Variants in SLC68A1 observed in about 807,000 individuals in gnomAD.
The protein encoded by SLC68A1 is major facilitator superfamily domain containing 13A.
the SLC68A1 span, chr10:102,476,923 C>T: frequency 1.0e-6 from 1 of 985,690 alleles, no homozygotes; most frequent in Non-Finnish European, 1.2e-6. Context: ...AGAGGTTTCT[C>T]TGCTTCAGCT....
chr10:102,465,252 C>T, the SLC68A1 span, among the ~76,000 whole-genome samples: 653 of 151,512 alleles, frequency 4.3e-3, 5 homozygotes, highest in African/African-American at 0.015. Context: ...GAGCAAGACT[C>T]CATCTCTACA....
At chr10:102,473,981 G>T in the SLC68A1 span, 1 of 1,609,580 alleles carries the variant, frequency 6.2e-7, no homozygotes, top group South Asian at 1.1e-5. Flanking sequence ...TTGCCCCGCT[G>T]CTGGGCACCT....
the SLC68A1 span, chr10:102,476,854 G>A: frequency 6.1e-6 from 6 of 985,560 alleles, no homozygotes; most frequent in Non-Finnish European, 6.0e-6. Context: ...TGCCCAGTCA[G>A]GGAAAGCTGA....
chr10:102,476,434 A>C, the SLC68A1 span: 1 of 845,560 alleles, frequency 1.2e-6, no homozygotes, highest in Non-Finnish European at 1.4e-6. Flanking sequence ...CGAACTCCTG[A>C]CCTCAAGTGA....
chr10:102,471,908 A>G, the SLC68A1 span: 1 of 369,434 alleles, frequency 2.7e-6, no homozygotes, highest in Non-Finnish European at 5.4e-6. Flanking sequence ...GATCTTAGGC[A>G]GGTCTCAGGC....
the SLC68A1 span, chr10:102,475,834 C>T: frequency 2.5e-6 from 4 of 1,614,104 alleles, no homozygotes; most frequent in Non-Finnish European, 3.4e-6. Context: ...AGGGCTGCTT[C>T]TACCTGCTGG....
At chr10:102,471,040 G>A in the SLC68A1 span, 1 of 1,613,698 alleles carries the variant, frequency 6.2e-7, no homozygotes, top group Non-Finnish European at 8.5e-7. Context: ...GCTTTCTGGG[G>A]GCCACACAGC....
At chr10:102,468,770 G>C in the SLC68A1 span, 2 of 369,034 alleles carry the variant, frequency 5.4e-6, no homozygotes, top group African/African-American at 4.2e-5. Context: ...GTTTCCTCGA[G>C]TCACTCCCAG....
At chr10:102,469,462 A>G in the SLC68A1 span, among the ~76,000 whole-genome samples, 1 of 152,016 alleles carries the variant, frequency 6.6e-6, no homozygotes, top group Non-Finnish European at 1.5e-5. Flanking sequence ...ACGTATATGA[A>G]TTTATCAGCT....
At chr10:102,470,102 T>C in the SLC68A1 span, 14 of 1,605,952 alleles carry the variant, frequency 8.7e-6, no homozygotes, top group African/African-American at 1.3e-5. Context: ...CAGCTCGTAA[T>C]TGGTTCAGTC....
At chr10:102,467,378 G>A in the SLC68A1 span, among the ~76,000 whole-genome samples, 1 of 152,182 alleles carries the variant, frequency 6.6e-6, no homozygotes, top group Admixed American at 6.5e-5. Context: ...AAGCAGTGTC[G>A]AGGGAATGTA....
At chr10:102,470,720 G>A in the SLC68A1 span, 34 of 1,613,216 alleles carry the variant, frequency 2.1e-5, no homozygotes, top group Middle Eastern at 3.9e-3. Context: ...GCAGGCCCTG[G>A]GCTGGCATGG....
the SLC68A1 span, among the ~76,000 whole-genome samples, chr10:102,467,638 T>C: frequency 2.7e-5 from 4 of 150,746 alleles, no homozygotes; most frequent in South Asian, 8.5e-4. Context: ...TGGTGGGGAC[T>C]TGCAGGCTTA....
At chr10:102,475,605 A>G in the SLC68A1 span, 1 of 1,181,898 alleles carries the variant, frequency 8.5e-7, no homozygotes, top group Admixed American at 2.4e-5. Flanking sequence ...AGGAATCAGG[A>G]GTTGTGGTCT....
At chr10:102,476,045 T>TC in the SLC68A1 span, 5 of 1,378,604 alleles carry the variant, frequency 3.6e-6, no homozygotes, top group Non-Finnish European at 4.7e-6. Context: ...GGAGCCAGTT[T>TC]TTTTTGGTTT....
the SLC68A1 span, chr10:102,471,319 A>G: frequency 6.2e-7 from 1 of 1,613,988 alleles, no homozygotes; most frequent in Non-Finnish European, 8.5e-7. Context: ...GGCGGACAGC[A>G]TCACCTTGGG....
At chr10:102,475,713 T>G in the SLC68A1 span, 1 of 1,580,230 alleles carries the variant, frequency 6.3e-7, no homozygotes, top group Non-Finnish European at 8.6e-7. Context: ...CTGTGCTCTC[T>G]TGTCCTAGGT....
At chr10:102,474,460 T>A in the SLC68A1 span, among the ~76,000 whole-genome samples, 1 of 151,992 alleles carries the variant, frequency 6.6e-6, no homozygotes, top group East Asian at 1.9e-4. Context: ...AAGGTGCCCC[T>A]CAGGATGTGA....
the SLC68A1 span, chr10:102,472,935 G>T: frequency 6.2e-7 from 1 of 1,613,812 alleles, no homozygotes; most frequent in Non-Finnish European, 8.5e-7. Context: ...CCTTTCCACG[G>T]GCTCCATCCT....
Sources: gnomAD v4.1 joint callset for allele counts (sites outside exome capture counted in the v4.1 genomes callset) on GRCh38, gnomAD v4.1.1 for gene constraint, MANE v1.5 for transcripts, NCBI Gene and HGNC (gene_info 2026-07-23, HGNC 2026-07-21) for gene names.